The following TTLL11 variants were observed in gnomAD, a reference collection of about 807,000 sequenced individuals.
The protein encoded by TTLL11 is tubulin polyglutamylase TTLL11.
Under a neutral mutation model 51.7 loss-of-function variants are expected in TTLL11, and 42 were observed. That is an observed-to-expected ratio of 0.81 (90% CI 0.64 to 1.05). TTLL11 has a LOEUF of 1.05. TTLL11 is among the 50% of genes least tolerant of loss of function. TTLL11 has a pLI of 0.00. For synonymous variants in TTLL11, 381 were observed against 383.5 expected, an observed-to-expected ratio of 0.99 and a Z score of 0.08; for missense variants, 799 against 940.4, an observed-to-expected ratio of 0.85 and a Z score of 1.97.
At chr9:121,913,906 C>T (rs1840230629) in intron 6 of TTLL11, among the ~76,000 whole-genome samples, 1 of 152,212 alleles carries the variant, frequency 6.6e-6, no homozygotes, top group South Asian at 2.1e-4. Flanking sequence ...TGAAAACTAG[C>T]AGTTCTTCAG....
At chr9:121,970,384 T>C (rs1184579967) in intron 6 of TTLL11, among the ~76,000 whole-genome samples, 3 of 152,204 alleles carry the variant, frequency 2.0e-5, no homozygotes, top group Non-Finnish European at 4.4e-5. Flanking sequence ...CTAAATGTGT[T>C]TCAATGTCAT....
intron 1 of TTLL11, among the ~76,000 whole-genome samples, chr9:122,057,415 G>A (rs574772905): frequency 3.3e-5 from 5 of 151,322 alleles, no homozygotes; most frequent in Admixed American, 6.6e-5. Context: ...TCCGGCTCCC[G>A]GGTTCAAGCA....
At position 122,016,079 on chromosome 9, in the gene TTLL11, G is replaced by A. The variant is rs79159552; in HGVS notation, c.693+15644C>T. On this transcript the variant is annotated intron_variant, in intron 3 of 8. Transcript: ENST00000321582. The stretch of plus-strand genomic sequence containing the variant: ...GTGTTGTTGAGAACTTGCTCCAGAC[G>A]TCGGGGGCAGAGTAGGCTTTATAGA... Among the ~76,000 whole-genome samples, 1,194 of 152,248 alleles carry A rather than the reference G, an allele frequency of 7.8e-3. 15 individuals carry two copies. Among genetic ancestry groups the A allele is most frequent in the African/African-American group, 0.028 (1,149 of 41,548 alleles).
intron 1 of TTLL11, among the ~76,000 whole-genome samples, chr9:122,069,941 G>A (rs570984416): frequency 6.6e-6 from 1 of 151,920 alleles, no homozygotes; most frequent in South Asian, 2.1e-4. Context: ...ACATTCTCCT[G>A]GGTCACAATC....
rs150283240 is a variant in TTLL11, at chr9:122,011,503, T to C, written c.693+20220A>G. 8.2e-3 allele frequency among the ~76,000 whole-genome samples: 1,255 copies of C among 152,208 alleles called. 15 individuals are homozygous for C. The highest frequency in any genetic ancestry group is 0.028 in the African/African-American group (1,152 of 41,536). ...ATAACCCTAGTCAATATATAAAAAA[T>C]TACAATTTTAAAATCTGAATAAATT... On this transcript the variant is annotated intron_variant, in intron 3 of 8. Coordinates refer to ENST00000321582, the MANE Select transcript of TTLL11 (RefSeq NM_001139442.2).
chr9:121,964,287 TTTTTTTG>T (rs761848889), intron 6 of TTLL11, among the ~76,000 whole-genome samples: 58 of 151,874 alleles, frequency 3.8e-4, no homozygotes, highest in South Asian at 6.2e-4. Flanking sequence ...TTCTTTTCCT[TTTTTTTG>T]TTTTTTGTTT....
chr9:121,915,731 C>T (rs942619923), intron 6 of TTLL11, among the ~76,000 whole-genome samples: 8 of 152,158 alleles, frequency 5.3e-5, no homozygotes, highest in African/African-American at 1.9e-4. Context: ...AGGATCCTTA[C>T]AGAGAAAAAT....
intron 4 of TTLL11, among the ~76,000 whole-genome samples, chr9:121,984,623 G>A (rs1340168200): frequency 1.3e-5 from 2 of 152,164 alleles, no homozygotes; most frequent in African/African-American, 2.4e-5. Context: ...CCCTTGGGGT[G>A]ACTGGCTGAA....
intron 3 of TTLL11, among the ~76,000 whole-genome samples, chr9:121,992,802 G>GC (rs1306639288): frequency 1.3e-5 from 2 of 152,268 alleles, no homozygotes; most frequent in South Asian, 2.1e-4. Context: ...GGCTTTTACT[G>GC]CCCCCTAGTG....
intron 6 of TTLL11, among the ~76,000 whole-genome samples, chr9:121,906,844 G>A (rs1265148963): frequency 6.6e-6 from 1 of 152,142 alleles, no homozygotes; most frequent in African/African-American, 2.4e-5. Flanking sequence ...GCCAGGTGAT[G>A]GGGTCCAGAG....
At chr9:122,092,493 C>T (rs912539017) in intron 1 of TTLL11, among the ~76,000 whole-genome samples, 194 bp downstream of exon 1, 1 of 152,054 alleles carries the variant, frequency 6.6e-6, no homozygotes, top group Non-Finnish European at 1.5e-5. Flanking sequence ...GTCTGGGGGG[C>T]CCTCTTGGAG....
At chr9:121,906,982 C>G (rs1371542444) in intron 6 of TTLL11, among the ~76,000 whole-genome samples, 1 of 152,126 alleles carries the variant, frequency 6.6e-6, no homozygotes, top group East Asian at 1.9e-4. Context: ...TGACCGACAA[C>G]CACCCGCTAC....
chr9:122,055,094 T>G (rs182205678), intron 1 of TTLL11, among the ~76,000 whole-genome samples: 98 of 152,220 alleles, frequency 6.4e-4, no homozygotes, highest in Non-Finnish European at 1.1e-3. Context: ...GGCAGTATGC[T>G]TGGGGAATGC....
chr9:121,866,122 C>T (rs1838167253), intron 7 of TTLL11, among the ~76,000 whole-genome samples: 1 of 152,166 alleles, frequency 6.6e-6, no homozygotes, highest in African/African-American at 2.4e-5. Context: ...GTGAATATGT[C>T]TTTTTCAAAG....
chr9:121,985,091 A>G (rs1564341552), intron 4 of TTLL11, among the ~76,000 whole-genome samples: 1 of 152,188 alleles, frequency 6.6e-6, no homozygotes, highest in Non-Finnish European at 1.5e-5. Context: ...TATTGTGGCT[A>G]TGATTGGAAA....
chr9:121,917,574 A>AAAGG (rs1335633530), intron 6 of TTLL11, among the ~76,000 whole-genome samples: 2 of 144,402 alleles, frequency 1.4e-5, no homozygotes, highest in Non-Finnish European at 1.5e-5. Flanking sequence ...AGAAAGAAAG[A>AAAGG]AAGGAAGGAA....
chr9:122,008,784 G>A (rs915337133), intron 3 of TTLL11, among the ~76,000 whole-genome samples: 10 of 152,234 alleles, frequency 6.6e-5, no homozygotes, highest in Non-Finnish European at 1.2e-4. Context: ...GCCAAGATAC[G>A]GAATCAACCT....
At chr9:121,846,518 A>C (rs1837518631) in intron 8 of TTLL11, among the ~76,000 whole-genome samples, 1 of 152,210 alleles carries the variant, frequency 6.6e-6, no homozygotes, top group Non-Finnish European at 1.5e-5. Flanking sequence ...ACCAAGACAG[A>C]CTACATTCTA....
At chr9:121,955,962 T>G (rs554430017) in intron 6 of TTLL11, among the ~76,000 whole-genome samples, 28 of 152,014 alleles carry the variant, frequency 1.8e-4, no homozygotes, top group Non-Finnish European at 2.8e-4. Flanking sequence ...TTTTAAAATA[T>G]TCATGAAGCA....
Sources: allele counts gnomAD v4.1 joint callset (sites outside exome capture counted in the v4.1 genomes callset), GRCh38; gene constraint gnomAD v4.1.1; transcripts MANE v1.5; gene names NCBI Gene and HGNC (gene_info 2026-07-23, HGNC 2026-07-21).